The following SLC25A40 variants were observed in gnomAD, a reference collection of about 807,000 sequenced individuals.
SLC25A40 encodes the protein mitochondrial glutathione transporter SLC25A40.
A neutral mutation model predicts 46.5 loss-of-function variants in SLC25A40; 41 were observed. That is an observed-to-expected ratio of 0.88 (90% CI 0.69 to 1.14). The LOEUF (loss-of-function observed/expected upper bound fraction) is 1.14. Among genes scored for constraint, SLC25A40 ranks in the 50% most tolerant of loss-of-function variants. The probability of loss-of-function intolerance (pLI) is 0.00; values close to 1 mark genes in which losing one functional copy is unlikely to be tolerated. For missense variants in SLC25A40, 386 were observed against 393.6 expected (o/e 0.98, Z 0.16); for synonymous variants, 126 against 127.5 (o/e 0.99, Z 0.08).
intron 1 of SLC25A40, among the ~76,000 whole-genome samples, chr7:87,862,313 G>C (rs1359476281): frequency 6.6e-6 from 1 of 152,150 alleles, no homozygotes; most frequent in Non-Finnish European, 1.5e-5. Context: ...TGCAAGAACA[G>C]CTTTCCTCCC....
intron 3 of SLC25A40, among the ~76,000 whole-genome samples, chr7:87,857,200 TG>T (rs1181006714): frequency 6.6e-6 from 1 of 152,242 alleles, no homozygotes; most frequent in African/African-American, 2.4e-5. Flanking sequence ...AAAGATTATT[TG>T]TAATTGTTAC....
At chr7:87,847,829 T>A in intron 7 of SLC25A40, 24 bp downstream of exon 7, 1 of 1,584,646 alleles carries the variant, frequency 6.3e-7, no homozygotes, top group Non-Finnish European at 8.5e-7. Context: ...GAAATCAAAA[T>A]GAAAATAAAG....
At chr7:87,843,495 ATAT>A (rs1317643794) in intron 9 of SLC25A40, among the ~76,000 whole-genome samples, 3 of 152,092 alleles carry the variant, frequency 2.0e-5, no homozygotes, top group East Asian at 1.9e-4. Context: ...AAGCTCTAAA[ATAT>A]TATAACTGTA....
In SLC25A40 at chr7:87,849,786, T is replaced by G. The variant is rs549234873; in HGVS notation, c.332+95A>C. The G allele has an allele frequency of 2.0e-4, 173 of 875,696 alleles. 1 individual carries two copies. In the African/African-American group the frequency reaches 2.8e-3, roughly 14 times the overall value. 54.2% of individuals were successfully genotyped at this position (875,696 alleles called of 1,614,324 possible). On this transcript the variant is annotated intron_variant, in intron 6 of 11. Coordinates refer to ENST00000341119, the MANE Select transcript of SLC25A40 (RefSeq NM_018843.4). Reference sequence around the variant, plus strand: ...AATACCTCAGAAAATGAAAGCATTCTAATATTAAAAATGCAAGACTTTGTC... The same window carrying G: ...AATACCTCAGAAAATGAAAGCATTCGAATATTAAAAATGCAAGACTTTGTC...
intron 3 of SLC25A40, 126 bp downstream of exon 3, chr7:87,858,505 A>G (rs1838648641): frequency 1.6e-6 from 1 of 626,736 alleles, no homozygotes; most frequent in Admixed American, 2.6e-5. Flanking sequence ...TGTACTCTTT[A>G]TTTCTCAGCC....
intron 1 of SLC25A40, among the ~76,000 whole-genome samples, chr7:87,874,900 T>C (rs971459913): frequency 6.6e-6 from 1 of 152,222 alleles, no homozygotes; most frequent in East Asian, 1.9e-4. Context: ...TTCTCTTATT[T>C]CACATGCTCT....
chr7:87,851,856 G>A (rs188863282), intron 5 of SLC25A40, among the ~76,000 whole-genome samples: 1 of 152,234 alleles, frequency 6.6e-6, no homozygotes, highest in East Asian at 1.9e-4. Context: ...GAGTTTAATG[G>A]AATGCTAAAA....
intron 6 of SLC25A40, 77 bp from the exon 7 acceptor site, chr7:87,848,054 T>C: frequency 2.1e-6 from 3 of 1,461,238 alleles, no homozygotes; most frequent in East Asian, 2.5e-5. Context: ...TCAAATATTA[T>C]TATATAAGCT....
intron 6 of SLC25A40, among the ~76,000 whole-genome samples, chr7:87,849,529 T>C (rs1180189070): frequency 1.3e-5 from 2 of 152,226 alleles, no homozygotes; most frequent in Non-Finnish European, 2.9e-5. Flanking sequence ...AGAAGCACTT[T>C]GTATACTTCA....
At position 87,872,240 on chromosome 7, in the gene SLC25A40, A is replaced by C. The variant is rs113845162; in HGVS notation, c.-94+3856T>G. 7.9e-3 allele frequency among the ~76,000 whole-genome samples: 1,202 copies of C among 152,314 alleles called. 10 individuals carry two copies. Among genetic ancestry groups the C allele is most frequent in the Non-Finnish European group, 0.01 (699 of 68,030 alleles). On this transcript the variant is annotated intron_variant, in intron 1 of 11. Transcript: ENST00000341119. ...AAGTAGAAAATGGCAAGAACTACCT[A>C]AAGTTTTGAGATGCAGCTAAAGCAG...
chr7:87,872,779 C>G (rs1660231421), intron 1 of SLC25A40, among the ~76,000 whole-genome samples: 1 of 152,088 alleles, frequency 6.6e-6, no homozygotes, highest in Non-Finnish European at 1.5e-5. Context: ...CTGGCCAACA[C>G]AGTGAAACCC....
At chr7:87,850,041 G>A (rs1347874862) in intron 5 of SLC25A40, 93 bp from the exon 6 acceptor site, 2 of 757,164 alleles carry the variant, frequency 2.6e-6, no homozygotes, top group East Asian at 6.1e-5. Context: ...CATTCTTTCA[G>A]GTATTTATAT....
intron 1 of SLC25A40, among the ~76,000 whole-genome samples, chr7:87,862,498 C>A (rs1026346098): frequency 6.6e-6 from 1 of 152,098 alleles, no homozygotes; most frequent in African/African-American, 2.4e-5. Flanking sequence ...TACTTAATAA[C>A]AAAATTCACT....
intron 1 of SLC25A40, among the ~76,000 whole-genome samples, chr7:87,872,700 G>A (rs1562752037): frequency 6.6e-6 from 1 of 152,202 alleles, no homozygotes; most frequent in South Asian, 2.1e-4. Flanking sequence ...AGTGGCTCAC[G>A]CTTGTAATCC....
At chr7:87,868,978 T>C (rs937396285) in intron 1 of SLC25A40, among the ~76,000 whole-genome samples, 11 of 152,182 alleles carry the variant, frequency 7.2e-5, no homozygotes, top group Non-Finnish European at 1.0e-4. Flanking sequence ...TACAAAAATA[T>C]AGGACTTTGG....
intron 2 of SLC25A40, chr7:87,860,276 TCTA>T (rs1838677577): frequency 6.6e-6 from 1 of 152,188 alleles, no homozygotes; most frequent in African/African-American, 2.4e-5. Context: ...AATCTATACT[TCTA>T]CTGGCAATAT....
At chr7:87,859,872 T>C (rs921208669) in intron 2 of SLC25A40, among the ~76,000 whole-genome samples, 11 of 152,074 alleles carry the variant, frequency 7.2e-5, no homozygotes, top group Admixed American at 7.2e-4. Context: ...GTAGGAAAGA[T>C]AGTAAGATTG....
In SLC25A40 at chr7:87,858,732, TTAAC is replaced by T. The variant is rs759253268; in HGVS notation, c.-9_-6del. 1.9e-6 allele frequency: 3 copies of T among 1,589,018 alleles called. No individual in the cohort carries two copies. The highest frequency in any genetic ancestry group is 1.1e-5 in the South Asian group (1 of 90,460). On this transcript the variant is annotated 5_prime_UTR_variant, in exon 3 of 12. It removes the in-frame stop codon of an upstream open reading frame in the 5' UTR. Coordinates refer to ENST00000341119, the MANE Select transcript of SLC25A40 (RefSeq NM_018843.4). ...TCCCCTTGTCTCAGGATCCATATTT[TTAAC>T]TAATTAAATAAAAACCTGTTAAAAA...
At chr7:87,856,884 T>C (rs1838623117) in intron 3 of SLC25A40, among the ~76,000 whole-genome samples, 1 of 152,176 alleles carries the variant, frequency 6.6e-6, no homozygotes, top group African/African-American at 2.4e-5. Context: ...CTATATTTTA[T>C]CCAAGTAGAA....
Sources: gnomAD v4.1 joint callset for allele counts (sites outside exome capture counted in the v4.1 genomes callset) on GRCh38, gnomAD v4.1.1 for gene constraint, MANE v1.5 for transcripts, NCBI Gene and HGNC (gene_info 2026-07-23, HGNC 2026-07-21) for gene names.